Variants in SCAPER observed in about 807,000 individuals in gnomAD.
SCAPER encodes the protein S-phase cyclin A associated protein in the ER.
SCAPER carries 98 observed loss-of-function variants against 182.2 expected under a neutral mutation model. That is an observed-to-expected ratio of 0.54 (90% CI 0.46 to 0.64). SCAPER has a LOEUF of 0.64. Among genes scored for constraint, SCAPER ranks in the 30% least tolerant of loss-of-function variants. The pLI, the probability that SCAPER is intolerant of heterozygous loss-of-function variation, is 0.00. For missense variants in SCAPER, 1,432 were observed against 1,690.0 expected (o/e 0.85, Z 2.68); for synonymous variants, 605 against 564.6 (o/e 1.07, Z -1.01).
chr15:76,722,855 T>A (rs1349184509), intron 17 of SCAPER, among the ~76,000 whole-genome samples: 4 of 152,182 alleles, frequency 2.6e-5, no homozygotes, highest in Admixed American at 2.6e-4. Context: ...TCTATCGATT[T>A]TGCTGATCTT....
intron 23 of SCAPER, among the ~76,000 whole-genome samples, chr15:76,547,927 A>G (rs924451028): frequency 6.6e-6 from 1 of 152,158 alleles, no homozygotes; most frequent in Non-Finnish European, 1.5e-5. Flanking sequence ...ATTTTGTAAT[A>G]TTCCATGAAA....
intron 22 of SCAPER, among the ~76,000 whole-genome samples, chr15:76,586,197 C>T (rs1029133590): frequency 6.6e-6 from 1 of 151,920 alleles, no homozygotes; most frequent in African/African-American, 2.4e-5. Flanking sequence ...TGGGGTGGTC[C>T]ACTAGGATCA....
At chr15:76,766,596 C>T (rs565807846) in intron 11 of SCAPER, among the ~76,000 whole-genome samples, 1 of 152,202 alleles carries the variant, frequency 6.6e-6, no homozygotes, top group East Asian at 1.9e-4. Context: ...CCTTGGCCTC[C>T]CAAAGTGCTG....
intron 20 of SCAPER, among the ~76,000 whole-genome samples, chr15:76,698,707 C>T (rs189170086): frequency 1.3e-5 from 2 of 152,224 alleles, no homozygotes; most frequent in South Asian, 2.1e-4. Context: ...AAAATTCTTC[C>T]AAGTTAAAAA....
At chr15:76,596,656 C>G (rs2049524502) in intron 22 of SCAPER, among the ~76,000 whole-genome samples, 1 of 121,450 alleles carries the variant, frequency 8.2e-6, no homozygotes, top group African/African-American at 2.5e-5. Context: ...AAGGCTGGTT[C>G]AACATACACA....
chr15:76,644,769 T>C (rs1036669526), intron 21 of SCAPER, among the ~76,000 whole-genome samples: 2 of 152,136 alleles, frequency 1.3e-5, no homozygotes, highest in Admixed American at 1.3e-4. Flanking sequence ...TATACAAAGA[T>C]ATCACAGCTC....
At chr15:76,480,814 T>A (rs1473292498) in intron 24 of SCAPER, among the ~76,000 whole-genome samples, 1 of 152,106 alleles carries the variant, frequency 6.6e-6, no homozygotes, top group Non-Finnish European at 1.5e-5. Context: ...CACTGCAAGC[T>A]CCGCCTCCCG....
At position 76,471,254 on chromosome 15, in the gene SCAPER, G is replaced by A. The variant is rs1190880512; in HGVS notation, c.3036C>T (p.Asn1012=). The A allele has an allele frequency of 6.2e-6, 10 of 1,612,200 alleles. No homozygotes were observed. Among genetic ancestry groups the A allele is most frequent in the Non-Finnish European group, 8.5e-6 (10 of 1,179,020 alleles). Residue 1012 remains asparagine (N), a synonymous_variant, in exon 25 of 32, where the codon AAC becomes AAT. Coordinates refer to ENST00000563290, the MANE Select transcript of SCAPER (RefSeq NM_020843.4). ...SENCSDVLFS[N]KITFLMDLLI... ...GGAGGTCCATTAAGAAGGTAATCTT[G>A]TTACTAAACAGAACATCACTGCAGT...
At position 76,376,791 on chromosome 15, in the gene SCAPER, C is replaced by T. The variant is rs2042600084; in HGVS notation, c.3706-480G>A. Among the ~76,000 whole-genome samples the T allele has an allele frequency of 4.6e-5, 7 of 152,086 alleles. No individual in the cohort carries two copies. In the South Asian group the frequency reaches 1.2e-3, roughly 27 times the overall value. ...TTTAAACAAAAAATGTAAATAACAA[C>T]TAGTTATTATTCAAATAAGTAGCTC... On this transcript the variant is annotated intron_variant, in intron 28 of 31. Coordinates refer to ENST00000563290, the MANE Select transcript of SCAPER (RefSeq NM_020843.4).
At chr15:76,679,115 A>G (rs4886825) in intron 20 of SCAPER, among the ~76,000 whole-genome samples, 33,747 of 152,126 alleles carry the variant, frequency 0.22, 4,704 homozygotes, top group Admixed American at 0.35. Flanking sequence ...AAGTATCCAC[A>G]GACAGTATTC....
intron 27 of SCAPER, among the ~76,000 whole-genome samples, chr15:76,394,374 A>G (rs181490059): frequency 1.8e-4 from 27 of 152,332 alleles, no homozygotes; most frequent in Admixed American, 5.9e-4. Context: ...GGAAGACCAG[A>G]TAGGGGACTT....
Position 76,882,660 on chromosome 15 carries a change from CTCTT to C in SCAPER, c.6+1148_6+1151del, listed in dbSNP as rs1313324316. On this transcript the variant is annotated intron_variant, in intron 2 of 31. Transcript: ENST00000563290. Reference sequence around the variant, plus strand: ...CATACAACAAATAGATGCTCTCCTGCTCTTTCTTTTTTTCTTTTATTTGAGACGG... The same window carrying C: ...CATACAACAAATAGATGCTCTCCTGCTCTTTTTTTCTTTTATTTGAGACGG... Among the ~76,000 whole-genome samples, 6 of 152,236 alleles carry C rather than the reference CTCTT, an allele frequency of 3.9e-5. 1 individual carries two copies. The highest frequency in any genetic ancestry group is 1.4e-4 in the African/African-American group (6 of 41,544).
rs753511287 is a variant in SCAPER at position 76,771,894 on chromosome 15, G to A, written c.1096C>T (p.Arg366Ter). 16 of 1,612,676 alleles carry A rather than the reference G, an allele frequency of 9.9e-6. No individual in the cohort carries two copies. The highest frequency in any genetic ancestry group is 1.3e-5 in the Non-Finnish European group (15 of 1,179,418). Residue 366 changes from arginine (R) to a stop codon, truncating the protein, a stop_gained, in exon 10 of 32, where the codon CGA (arginine) becomes TGA (stop). Coordinates refer to ENST00000563290, the MANE Select transcript of SCAPER (RefSeq NM_020843.4). LOFTEE classifies it high-confidence loss of function. The part of the protein sequence containing the change: ...NSGSIRDNYV[R>*]TSEISAVHID... ...TGGACAGCAGATATTTCAGAAGTTC[G>A]AACATAATTGTCTCGAATACTGCCA... is the stretch of plus-strand genomic sequence containing the variant.
At chr15:76,834,642 A>G (rs1298770856) in intron 5 of SCAPER, among the ~76,000 whole-genome samples, 1 of 152,088 alleles carries the variant, frequency 6.6e-6, no homozygotes, top group Non-Finnish European at 1.5e-5. Context: ...AAAAATAAAC[A>G]AAGTTGATAG....
intron 23 of SCAPER, among the ~76,000 whole-genome samples, chr15:76,515,093 TAC>T (rs2042316128): frequency 6.6e-6 from 1 of 152,184 alleles, no homozygotes; most frequent in South Asian, 2.1e-4. Context: ...AATTATAAGC[TAC>T]AGTTTGAAGG....
chr15:76,779,034 C>A (rs755584904), intron 8 of SCAPER, among the ~76,000 whole-genome samples: 16 of 151,868 alleles, frequency 1.1e-4, no homozygotes, highest in Non-Finnish European at 1.9e-4. Flanking sequence ...ATAATGAACA[C>A]AAAACATTAT....
At chr15:76,773,722 A>G (rs1447837210) in intron 9 of SCAPER, among the ~76,000 whole-genome samples, 1 of 151,942 alleles carries the variant, frequency 6.6e-6, no homozygotes, top group Non-Finnish European at 1.5e-5. Context: ...CAGTAAAGGA[A>G]GATAAGGAAT....
intron 25 of SCAPER, among the ~76,000 whole-genome samples, chr15:76,458,712 T>C (rs1416829857): frequency 6.6e-6 from 1 of 152,146 alleles, no homozygotes; most frequent in Non-Finnish European, 1.5e-5. Flanking sequence ...AAATATACAA[T>C]ACACTGTTGT....
chr15:76,543,657 G>A (rs2044987610), intron 23 of SCAPER, among the ~76,000 whole-genome samples: 1 of 152,122 alleles, frequency 6.6e-6, no homozygotes. Flanking sequence ...TGGCATGGAT[G>A]CTTCAAAGTG....
Sources: allele counts gnomAD v4.1 joint callset (sites outside exome capture counted in the v4.1 genomes callset), GRCh38; gene constraint gnomAD v4.1.1; transcripts MANE v1.5; gene names NCBI Gene and HGNC (gene_info 2026-07-23, HGNC 2026-07-21).